AKT3: variants seen among roughly 807,000 people sequenced by gnomAD.
AKT3 encodes RAC-gamma serine/threonine-protein kinase.
AKT3 carries 15 observed loss-of-function variants against 65.3 expected under a neutral mutation model. The observed-to-expected ratio is 0.23, with a 90% CI of 0.15 to 0.35. The LOEUF is 0.35. Ranked by LOEUF, AKT3 falls within the 10% of genes least tolerant of loss-of-function variation. The pLI, the probability that AKT3 is intolerant of heterozygous loss-of-function variation, is 1.00. For missense variants in AKT3, 243 were observed against 576.5 expected (o/e 0.42, Z 5.92); for synonymous variants, 206 against 183.8 (o/e 1.12, Z -0.98).
intron 2 of AKT3, among the ~76,000 whole-genome samples, chr1:243,750,491 C>T (rs1033627067): frequency 6.6e-6 from 1 of 152,116 alleles, no homozygotes; most frequent in African/African-American, 2.4e-5. Flanking sequence ...CTTTGTCCTC[C>T]ACTTCTGGGC....
In AKT3 at chr1:243,778,608, G is replaced by C. The variant is rs1690704673; in HGVS notation, c.46+64517C>G. Among the ~76,000 whole-genome samples the C allele has an allele frequency of 1.3e-5, 2 of 152,108 alleles. 1 individual carries two copies. Among genetic ancestry groups the C allele is most frequent in the South Asian group, 4.1e-4 (2 of 4,822 alleles). On this transcript the variant is annotated intron_variant, in intron 2 of 13. Transcript: ENST00000673466. ...CTGTGCTGTAGGCCAATGGTTTAGA[G>C]GTACAAAGTATAAGTGTGTGCTGTG...
intron 6 of AKT3, among the ~76,000 whole-genome samples, chr1:243,626,900 C>T (rs1351360744): frequency 3.6e-4 from 55 of 152,172 alleles, no homozygotes; most frequent in Non-Finnish European, 1.5e-5. Context: ...CTGCAGAAAG[C>T]TTGTTAGTTT....
chr1:243,838,836 T>TAA (rs1695058134), intron 2 of AKT3, among the ~76,000 whole-genome samples: 4 of 152,272 alleles, frequency 2.6e-5, no homozygotes, highest in Non-Finnish European at 5.9e-5. Flanking sequence ...AGGGAAAAAG[T>TAA]TATTTGAAAG....
At chr1:243,555,395 C>T (rs1193561396) in intron 10 of AKT3, among the ~76,000 whole-genome samples, 1 of 152,120 alleles carries the variant, frequency 6.6e-6, no homozygotes, top group Non-Finnish European at 1.5e-5. Context: ...AATATCCTTT[C>T]TCTTTCCTGA....
intron 12 of AKT3, among the ~76,000 whole-genome samples, chr1:243,522,624 A>G (rs1021084821): frequency 2.6e-5 from 4 of 152,114 alleles, no homozygotes; most frequent in Non-Finnish European, 5.9e-5. Flanking sequence ...GGTGACAGAG[A>G]GAGACCCTGG....
chr1:243,813,515 TA>T (rs58482932), intron 2 of AKT3, among the ~76,000 whole-genome samples: 34,376 of 149,190 alleles, frequency 0.23, 4,288 homozygotes, highest in East Asian at 0.34. Flanking sequence ...AAGTACATAA[TA>T]AAAAAAAAAT....
At chr1:243,652,313 G>T (rs796452160) in intron 4 of AKT3, among the ~76,000 whole-genome samples, 21 of 152,214 alleles carry the variant, frequency 1.4e-4, no homozygotes, top group African/African-American at 5.1e-4. Context: ...GCCTCCCATA[G>T]TGCTGGAATT....
intron 2 of AKT3, among the ~76,000 whole-genome samples, chr1:243,778,815 G>A (rs568782444): frequency 1.3e-5 from 2 of 152,222 alleles, no homozygotes; most frequent in East Asian, 3.9e-4. Context: ...TCATTCCAGA[G>A]TTTATGACAA....
At chr1:243,775,555 T>C (rs1329305360) in intron 2 of AKT3, among the ~76,000 whole-genome samples, 1 of 152,082 alleles carries the variant, frequency 6.6e-6, no homozygotes, top group East Asian at 1.9e-4. Context: ...ACCTGTGGGA[T>C]CCACCAAAGA....
At chr1:243,548,009 CTA>C (rs2148455058) in intron 11 of AKT3, 1 of 152,304 alleles carries the variant, frequency 6.6e-6, no homozygotes, top group Non-Finnish European at 1.5e-5. Flanking sequence ...CTTTTTCATT[CTA>C]TTTCAGTTGT....
Position 243,652,688 on chromosome 1 carries a change from T to C in AKT3, c.285-6651A>G, listed in dbSNP as rs540631495. ...AGTCAAGATCCATCAATGTGCTGTA[T>C]TCAGGAGATCCATCTCTCATGCAAA... is the stretch of plus-strand genomic sequence containing the variant. On this transcript the variant is annotated intron_variant, in intron 4 of 13. Coordinates refer to ENST00000673466, the MANE Select transcript of AKT3 (RefSeq NM_005465.7). 2.0e-5 allele frequency among the ~76,000 whole-genome samples: 3 copies of C among 147,198 alleles called. No individual in the cohort carries two copies. The East Asian group carries it at 6.1e-4, about 30-fold the overall frequency.
chr1:243,598,624 T>C (rs1676797424), intron 8 of AKT3, among the ~76,000 whole-genome samples: 1 of 152,160 alleles, frequency 6.6e-6, no homozygotes, highest in Admixed American at 6.5e-5. Context: ...GATGACTGCA[T>C]CTACAGCCGT....
intron 8 of AKT3, among the ~76,000 whole-genome samples, chr1:243,583,067 A>C (rs917444771): frequency 6.7e-6 from 1 of 150,218 alleles, no homozygotes; most frequent in Non-Finnish European, 1.5e-5. Flanking sequence ...AGAAGACTTA[A>C]CTATCACATA....
intron 2 of AKT3, among the ~76,000 whole-genome samples, chr1:243,790,283 G>C (rs1384018515): frequency 6.6e-6 from 1 of 152,220 alleles, no homozygotes; most frequent in Non-Finnish European, 1.5e-5. Context: ...CTTCATCAAT[G>C]ATCTTCGCTA....
At chr1:243,650,852 G>A (rs1305749315) in intron 4 of AKT3, among the ~76,000 whole-genome samples, 1 of 152,056 alleles carries the variant, frequency 6.6e-6, no homozygotes, top group African/African-American at 2.4e-5. Context: ...CTCCAGCTTT[G>A]TTCTTTTTGC....
At chr1:243,699,330 G>A (rs1010356329) in intron 2 of AKT3, among the ~76,000 whole-genome samples, 1 of 151,334 alleles carries the variant, frequency 6.6e-6, no homozygotes, top group African/African-American at 2.4e-5. Flanking sequence ...CATTTATGAT[G>A]TACCAAGTAT....
intron 4 of AKT3, among the ~76,000 whole-genome samples, chr1:243,658,517 T>C (rs1572117433): frequency 6.6e-6 from 1 of 152,118 alleles, no homozygotes; most frequent in Non-Finnish European, 1.5e-5. Context: ...TACACTATTG[T>C]TGGGAATGTA....
intron 2 of AKT3, among the ~76,000 whole-genome samples, chr1:243,760,143 A>G (rs573344712): frequency 2.0e-5 from 3 of 152,272 alleles, no homozygotes; most frequent in Admixed American, 2.0e-4. Context: ...TTTTAGAGAC[A>G]GGGTCTCACT....
intron 2 of AKT3, among the ~76,000 whole-genome samples, chr1:243,722,281 A>G (rs1686958627): frequency 6.6e-6 from 1 of 152,202 alleles, no homozygotes; most frequent in East Asian, 1.9e-4. Flanking sequence ...AAAAAGAAAC[A>G]TTATACTATA....
Sources: gnomAD v4.1 joint callset for allele counts (sites outside exome capture counted in the v4.1 genomes callset) on GRCh38, gnomAD v4.1.1 for gene constraint, MANE v1.5 for transcripts, NCBI Gene and HGNC (gene_info 2026-07-23, HGNC 2026-07-21) for gene names.